The following PIEZO2 variants were observed in gnomAD, a reference collection of about 807,000 sequenced individuals.
PIEZO2 encodes piezo type mechanosensitive ion channel component 2, also known as piezo-type mechanosensitive ion channel component 2.
A neutral mutation model predicts 337.3 loss-of-function variants in PIEZO2; 172 were observed. That is an observed-to-expected ratio of 0.51 (90% CI 0.45 to 0.58). The LOEUF (loss-of-function observed/expected upper bound fraction) is 0.58. Ranked by LOEUF, PIEZO2 falls within the 20% of genes least tolerant of loss-of-function variation. PIEZO2 has a pLI of 0.00. For synonymous variants in PIEZO2, 1,251 were observed against 1,228.5 expected (o/e 1.02, Z -0.38); for missense variants, 3,028 against 3,391.3 (o/e 0.89, Z 2.66).
intron 4 of PIEZO2, among the ~76,000 whole-genome samples, chr18:10,887,885 C>T (rs1484281246): frequency 6.6e-6 from 1 of 152,164 alleles, no homozygotes; most frequent in Non-Finnish European, 1.5e-5. Context: ...CACTGGGAGG[C>T]ACAAGTCCCC....
At position 11,116,737 on chromosome 18, in the gene PIEZO2, A is replaced by G. The variant is rs961120889; in HGVS notation, c.64+31788T>C. Among the ~76,000 whole-genome samples, 23 of 151,880 alleles carry G rather than the reference A, an allele frequency of 1.5e-4. No homozygotes were observed. The highest frequency in any genetic ancestry group is 5.1e-4 in the African/African-American group (21 of 41,332). On this transcript the variant is annotated intron_variant, in intron 1 of 55. Transcript: ENST00000674853. This position sits in a 1 kb window ranked among gnomAD's most constrained non-coding sequence, Gnocchi z 5.0. ...CTCAAAAAAAACAAAGAAAAAAAAA[A>G]ATCATTCCATTTATCTACTGAATGT... is the stretch of plus-strand genomic sequence containing the variant.
At position 11,009,081 on chromosome 18, in the gene PIEZO2, G is replaced by C. The variant is rs1009166663; in HGVS notation, c.161-29421C>G. Among the ~76,000 whole-genome samples, 1 of 152,196 alleles carries C rather than the reference G, an allele frequency of 6.6e-6. No homozygotes were observed. The highest frequency in any genetic ancestry group is 6.5e-5 in the Admixed American group (1 of 15,280). On this transcript the variant is annotated intron_variant, in intron 2 of 55. Coordinates refer to ENST00000674853, the MANE Select transcript of PIEZO2 (RefSeq NM_001378183.1). This position sits in a 1 kb window ranked among gnomAD's most constrained non-coding sequence, Gnocchi z 4.6. ...CTGTTACTTAACTACGTACGTGATT[G>C]TGTTCAAATCCTTCAGAATCTCTGT...
intron 1 of PIEZO2, among the ~76,000 whole-genome samples, chr18:11,068,357 GA>G (rs1268250697): frequency 3.9e-5 from 6 of 151,968 alleles, no homozygotes; most frequent in African/African-American, 1.5e-4. Flanking sequence ...TACAAAACTA[GA>G]AATCAAAAAC....
At chr18:10,965,093 G>T (rs1422993604) in intron 3 of PIEZO2, among the ~76,000 whole-genome samples, 1 of 152,010 alleles carries the variant, frequency 6.6e-6, no homozygotes, top group Non-Finnish European at 1.5e-5. Context: ...TTGTGAACAG[G>T]TATCTGTGTG....
intron 2 of PIEZO2, among the ~76,000 whole-genome samples, chr18:10,995,077 CAAAAAAAA>C (rs767666232): frequency 3.5e-5 from 1 of 28,308 alleles, no homozygotes; most frequent in African/African-American, 1.4e-4. Flanking sequence ...GACTCCGTCT[CAAAAAAAA>C]AAAAAAAAAA....
rs1330282836 is a variant in PIEZO2 at position 10,878,484 on chromosome 18, A to T, written c.330-7069T>A. Among the ~76,000 whole-genome samples, 1 of 152,224 alleles carries T rather than the reference A, an allele frequency of 6.6e-6. No homozygotes were observed. Among genetic ancestry groups the T allele is most frequent in the Non-Finnish European group, 1.5e-5 (1 of 68,038 alleles). Reference sequence around the variant, plus strand: ...CAAATAAAGTTTCAGTTATTTGCACATGCAGATTTCATTGTCAAAATTGGA... The same window carrying T: ...CAAATAAAGTTTCAGTTATTTGCACTTGCAGATTTCATTGTCAAAATTGGA... On this transcript the variant is annotated intron_variant, in intron 4 of 55. Coordinates refer to ENST00000674853, the MANE Select transcript of PIEZO2 (RefSeq NM_001378183.1). This position sits in a 1 kb window ranked among gnomAD's most constrained non-coding sequence, Gnocchi z 4.3.
Position 10,752,899 on chromosome 18 carries a change from A to G in PIEZO2, c.3924-20T>C. Reference sequence around the variant, plus strand: ...TAAGATCTGGAAAACAAAGCCAGTGACAAAAAGACAACAACAACAAAACAA... The same window carrying G: ...TAAGATCTGGAAAACAAAGCCAGTGGCAAAAAGACAACAACAACAAAACAA... On this transcript the variant is annotated intron_variant, in intron 27 of 55. Transcript: ENST00000674853. 2 of 1,518,942 alleles carry G rather than the reference A, an allele frequency of 1.3e-6. No homozygotes were observed. The highest frequency in any genetic ancestry group is 1.8e-6 in the Non-Finnish European group (2 of 1,137,920). 94.1% of individuals were successfully genotyped at this position (1,518,942 alleles called of 1,614,324 possible).
At chr18:11,139,802 CTCTT>C (rs1320284189) in intron 1 of PIEZO2, among the ~76,000 whole-genome samples, 1 of 152,286 alleles carries the variant, frequency 6.6e-6, no homozygotes, top group South Asian at 2.1e-4. Flanking sequence ...GGGACCGTGA[CTCTT>C]TCTTTTGGTA....
At chr18:11,026,885 A>G (rs1367062892) in intron 2 of PIEZO2, among the ~76,000 whole-genome samples, 2 of 152,188 alleles carry the variant, frequency 1.3e-5, no homozygotes, top group Non-Finnish European at 1.5e-5. Context: ...AGAGGGAAAA[A>G]AGAGGCAAGA....
chr18:10,722,989 CAG>C (rs2036385575), intron 36 of PIEZO2, among the ~76,000 whole-genome samples: 1 of 95,066 alleles, frequency 1.1e-5, no homozygotes, highest in Non-Finnish European at 2.0e-5. Flanking sequence ...TTTTTTGAGA[CAG>C]AGTTTTGCTC....
chr18:10,790,958 C>T (rs1387910008), intron 14 of PIEZO2, among the ~76,000 whole-genome samples: 1 of 152,218 alleles, frequency 6.6e-6, no homozygotes, highest in Non-Finnish European at 1.5e-5. Context: ...CCCACCTCGG[C>T]CTCCCAAAGT....
chr18:10,720,919 C>G (rs534300195), intron 36 of PIEZO2, among the ~76,000 whole-genome samples: 85 of 152,280 alleles, frequency 5.6e-4, no homozygotes, highest in African/African-American at 1.9e-3. Flanking sequence ...CTTTCTTCTG[C>G]TAGAATGTCA....
rs889296464 is a variant in PIEZO2, at chr18:10,750,256, C to T, written c.4168-69G>A. ...GAAAAAAAAGTGGTGTTTTATGATC[C>T]CAACATGTGCAAGAATTCACAAGGT... On this transcript the variant is annotated intron_variant, in intron 28 of 55. Coordinates refer to ENST00000674853, the MANE Select transcript of PIEZO2 (RefSeq NM_001378183.1). The surrounding 1 kb of genome is among the most constrained non-coding windows in gnomAD (Gnocchi z 4.1). 5 of 1,106,144 alleles carry T rather than the reference C, an allele frequency of 4.5e-6. No homozygotes were observed. The highest frequency in any genetic ancestry group is 6.6e-6 in the Non-Finnish European group (5 of 755,978). The allele number at this position is 1,106,144 out of a possible 1,614,324, so 68.5% of individuals were successfully genotyped here.
Position 10,854,387 on chromosome 18 carries a change from T to C in PIEZO2, c.917+966A>G, listed in dbSNP as rs531178310. The stretch of plus-strand genomic sequence containing the variant: ...GCACCAACAAGGTTCTACTTTGTCA[T>C]TGTGCAACCACCACGACCTTTATAG... On this transcript the variant is annotated intron_variant, in intron 7 of 55. Coordinates refer to ENST00000674853, the MANE Select transcript of PIEZO2 (RefSeq NM_001378183.1). This position sits in a 1 kb window ranked among gnomAD's most constrained non-coding sequence, Gnocchi z 4.6. Among the ~76,000 whole-genome samples the C allele has an allele frequency of 2.3e-4, 35 of 152,360 alleles. No individual in the cohort carries two copies. The South Asian group carries it at 4.1e-3, about 18-fold the overall frequency.
In PIEZO2 at chr18:10,726,915, G is replaced by T. The variant is rs546680194; in HGVS notation, c.5029+4492C>A. On this transcript the variant is annotated intron_variant, in intron 36 of 55. Transcript: ENST00000674853. The surrounding 1 kb of genome is among the most constrained non-coding windows in gnomAD (Gnocchi z 5.9). The stretch of plus-strand genomic sequence containing the variant: ...CCACCAACCGGCTGGATGTGGCGGA[G>T]CTGGGTCGCCTGCTGCCCGACTGAT... The T allele has an allele frequency of 1.3e-6, 2 of 1,572,558 alleles. No homozygotes were observed. Among genetic ancestry groups the T allele is most frequent in the East Asian group, 2.2e-5 (1 of 44,460 alleles).
In PIEZO2 at chr18:10,773,958, A is replaced by G. The variant is rs1351866245; in HGVS notation, c.2567+48T>C. 4 of 702,162 alleles carry G rather than the reference A, an allele frequency of 5.7e-6. No individual in the cohort carries two copies. The highest frequency in any genetic ancestry group is 5.2e-6 in the Non-Finnish European group (2 of 384,808). The allele number at this position is 702,162 out of a possible 1,614,324, so 43.5% of individuals were successfully genotyped here. On this transcript the variant is annotated intron_variant, in intron 19 of 55. Coordinates refer to ENST00000674853, the MANE Select transcript of PIEZO2 (RefSeq NM_001378183.1). This position sits in a 1 kb window ranked among gnomAD's most constrained non-coding sequence, Gnocchi z 5.3. ...AGAGTTTAGGGTGTAGAAGCATGAA[A>G]TGGCATCATGTAGAGCAAGCATTTC...
chr18:10,777,530 A>C (rs1007324389), intron 18 of PIEZO2, among the ~76,000 whole-genome samples: 1 of 152,242 alleles, frequency 6.6e-6, no homozygotes, highest in African/African-American at 2.4e-5. Context: ...ATACATCCTT[A>C]TTTGAAACAG....
At chr18:10,761,252 C>T (rs868672991) in intron 23 of PIEZO2, 141 bp from the exon 24 acceptor site, 5 of 712,710 alleles carry the variant, frequency 7.0e-6, no homozygotes, top group Admixed American at 5.7e-5. Flanking sequence ...GCTCAATATT[C>T]GTTTTCTCTG....
intron 2 of PIEZO2, among the ~76,000 whole-genome samples, chr18:11,046,972 G>A (rs1021716578): frequency 6.6e-6 from 1 of 152,158 alleles, no homozygotes; most frequent in African/African-American, 2.4e-5. Flanking sequence ...TTTCCTGCAA[G>A]GCCACTGCTA....
Sources: allele counts gnomAD v4.1 joint callset (sites outside exome capture counted in the v4.1 genomes callset), GRCh38; gene constraint gnomAD v4.1.1; non-coding constraint Gnocchi (gnomAD v3.1); transcripts MANE v1.5; gene names NCBI Gene and HGNC (gene_info 2026-07-23, HGNC 2026-07-21).